Variants in KCTD18 observed in about 807,000 individuals in gnomAD.
KCTD18 encodes the protein BTB/POZ domain-containing protein KCTD18.
KCTD18 carries 22 observed loss-of-function variants against 30.4 expected under a neutral mutation model. The ratio of observed to expected loss-of-function variants is 0.72; its 90% CI spans 0.52 to 1.03. The LOEUF (loss-of-function observed/expected upper bound fraction) is 1.03, where lower values mean the gene tolerates loss of function less well. Ranked by LOEUF, KCTD18 falls within the 50% of genes least tolerant of loss-of-function variation. The probability of loss-of-function intolerance (pLI) is 0.00; values close to 1 mark genes in which losing one functional copy is unlikely to be tolerated. For missense variants in KCTD18, 529 were observed against 547.6 expected (o/e 0.97, Z 0.34); for synonymous variants, 186 against 209.0 (o/e 0.89, Z 0.95).
At chr2:200,502,166 T>C (rs956103464) in intron 3 of KCTD18, among the ~76,000 whole-genome samples, 6 of 151,980 alleles carry the variant, frequency 3.9e-5, no homozygotes, top group South Asian at 2.1e-4. Flanking sequence ...AGGGATAGCA[T>C]TGGGAGATAT....
chr2:200,494,768 T>C (rs1354998592), intron 5 of KCTD18, among the ~76,000 whole-genome samples: 3 of 152,198 alleles, frequency 2.0e-5, no homozygotes, highest in Non-Finnish European at 4.4e-5. Flanking sequence ...GACAAATGGA[T>C]ATAGTTATGT....
intron 1 of KCTD18, among the ~76,000 whole-genome samples, chr2:200,507,331 GT>G (rs1311273269): frequency 6.6e-6 from 1 of 152,176 alleles, no homozygotes; most frequent in African/African-American, 2.4e-5. Flanking sequence ...TGAAATGACT[GT>G]TTAAACATGG....
intron 3 of KCTD18, among the ~76,000 whole-genome samples, chr2:200,504,283 C>T (rs1249700588): frequency 1.3e-5 from 2 of 151,930 alleles, no homozygotes; most frequent in Non-Finnish European, 2.9e-5. Context: ...ACGGTGAAAC[C>T]CCCGTCTCTA....
chr2:200,500,778 C>A (rs950088567), intron 3 of KCTD18, among the ~76,000 whole-genome samples: 2 of 151,780 alleles, frequency 1.3e-5, no homozygotes, highest in African/African-American at 4.8e-5. Flanking sequence ...TTGGAAAAAA[C>A]TACTTTAAAG....
chr2:200,497,857 T>C lies in KCTD18; in HGVS notation c.567-10A>G. The C allele has an allele frequency of 6.4e-7, 1 of 1,566,536 alleles. No homozygotes were observed. The highest frequency in any genetic ancestry group is 8.8e-7 in the Non-Finnish European group (1 of 1,138,308). On this transcript the variant is annotated splice_polypyrimidine_tract_variant and intron_variant, in intron 4 of 6. Coordinates refer to ENST00000359878, the MANE Select transcript of KCTD18 (RefSeq NM_152387.4). ...ATTATTTCCCGCCTCTCTAGAAATA[T>C]TGCAAAGAGTAATGAAAATATACTA...
rs758879282 is a variant in KCTD18, at chr2:200,490,493, C to T, written c.888G>A (p.Thr296=). ...TCTGGATGGCACTGGCTGGAGACAC[C>T]GTGACTGAGGCCGAGTTCTTGACTT... The part of the protein sequence containing the change: ...QIKVKNSASV[T]VSPASAIQTS... The change falls in exon 7 of 7, where the codon ACG becomes ACA. Residue 296 remains threonine, a synonymous_variant. Coordinates refer to ENST00000359878, the MANE Select transcript of KCTD18 (RefSeq NM_152387.4). 4.3e-6 allele frequency: 7 copies of T among 1,611,310 alleles called. No homozygotes were observed. In the African/African-American group the frequency reaches 5.3e-5, roughly 12 times the overall value.
chr2:200,492,167 C>T (rs556647962), intron 6 of KCTD18, among the ~76,000 whole-genome samples: 2 of 152,206 alleles, frequency 1.3e-5, no homozygotes, highest in East Asian at 1.9e-4. Context: ...ACTGAGGTTT[C>T]TCAACCTCGG....
chr2:200,504,391 G>A (rs992824983), intron 3 of KCTD18, among the ~76,000 whole-genome samples: 3 of 151,254 alleles, frequency 2.0e-5, no homozygotes, highest in African/African-American at 4.9e-5. Context: ...GCCCAGAGGC[G>A]GAGCTTGCAG....
At chr2:200,497,884 C>T (rs2088020646) in intron 4 of KCTD18, 37 bp from the exon 5 acceptor site, 1 of 1,387,914 alleles carries the variant, frequency 7.2e-7, no homozygotes, top group Non-Finnish European at 1.0e-6. Context: ...AATATACTAC[C>T]TAGGTATGGA....
At chr2:200,498,429 A>G (rs929131753) in intron 4 of KCTD18, among the ~76,000 whole-genome samples, 1 of 152,220 alleles carries the variant, frequency 6.6e-6, no homozygotes, top group African/African-American at 2.4e-5. Flanking sequence ...TAACATGTTC[A>G]AGTCATAAAA....
At chr2:200,492,585 T>C (rs927282107) in intron 6 of KCTD18, among the ~76,000 whole-genome samples, 1 of 152,154 alleles carries the variant, frequency 6.6e-6, no homozygotes, top group Non-Finnish European at 1.5e-5. Flanking sequence ...AATTAAATTG[T>C]AGAACATGTG....
Position 200,490,535 on chromosome 2 carries a change from G to A in KCTD18, c.846C>T (p.Ser282=), listed in dbSNP as rs201678106. The A allele has an allele frequency of 5.0e-6, 8 of 1,603,806 alleles. No individual in the cohort carries two copies. In the Admixed American group the frequency reaches 5.0e-5, roughly 10 times the overall value. The stretch of plus-strand genomic sequence containing the variant: ...TCTTGACTTTAATTTGGGTACTTGT[G>A]GAAGGGCCCAAAAATCTAACTGGCT... ...GPKPVRFLGP[S]TSTQIKVKNS... The change falls in exon 7 of 7, where the codon TCC becomes TCT. Residue 282 remains serine, a synonymous_variant. Coordinates refer to ENST00000359878, the MANE Select transcript of KCTD18 (RefSeq NM_152387.4).
Position 200,506,809 on chromosome 2 carries a change from T to C in KCTD18, c.160+48A>G, listed in dbSNP as rs749896082. The C allele has an allele frequency of 8.4e-6, 13 of 1,553,724 alleles. No individual in the cohort carries two copies. The Admixed American group carries it at 2.0e-4, about 23-fold the overall frequency. Reference sequence around the variant, plus strand: ...TAAGAAAATCAAAGGGAACTTAAACTGGTGTTAATAAATATTCAGATCATG... The same window carrying C: ...TAAGAAAATCAAAGGGAACTTAAACCGGTGTTAATAAATATTCAGATCATG... On this transcript the variant is annotated intron_variant, in intron 2 of 6. Coordinates refer to ENST00000359878, the MANE Select transcript of KCTD18 (RefSeq NM_152387.4).
chr2:200,496,248 G>A (rs1338615062), intron 5 of KCTD18: 1 of 152,206 alleles, frequency 6.6e-6, no homozygotes, highest in African/African-American at 2.4e-5. Flanking sequence ...TGGGCTCCTG[G>A]ACATCTTGCC....
Position 200,504,884 on chromosome 2 carries a change from G to T in KCTD18, c.236C>A (p.Pro79His). ...LDYLHGEVQI[P>H]TDEQTRIALQ... The stretch of plus-strand genomic sequence containing the variant: ...GGCGATGCGGGTTTGCTCATCTGTG[G>T]GAATCTGAACTTCTCCATGAAGGTA... The change falls in exon 3 of 7, where the codon CCC becomes CAC. Residue 79 changes from proline (P) to histidine (H), a missense_variant. Coordinates refer to ENST00000359878, the MANE Select transcript of KCTD18 (RefSeq NM_152387.4). 1.2e-6 allele frequency: 2 copies of T among 1,614,100 alleles called. No homozygotes were observed. Among genetic ancestry groups the T allele is most frequent in the Non-Finnish European group, 1.7e-6 (2 of 1,179,996 alleles).
Position 200,504,662 on chromosome 2 carries a change from G to A in KCTD18, c.372+86C>T, listed in dbSNP as rs933023323. 9.6e-6 allele frequency: 9 copies of A among 942,188 alleles called. No individual in the cohort carries two copies. The African/African-American group carries it at 1.3e-4, about 14-fold the overall frequency. The allele number at this position is 942,188 out of a possible 1,614,324, so 58.4% of individuals were successfully genotyped here. A position where few individuals can be genotyped will look rare whatever the true frequency, so the allele number is the denominator to read the frequency against. The stretch of plus-strand genomic sequence containing the variant: ...ATAAAAACTATCTTGTTTGGTTAAT[G>A]TGAAAACACAGGCTATGCAAAATAG... On this transcript the variant is annotated intron_variant, in intron 3 of 6. Transcript: ENST00000359878.
intron 5 of KCTD18, among the ~76,000 whole-genome samples, chr2:200,494,080 A>C (rs1326988778): frequency 6.6e-6 from 1 of 152,248 alleles, no homozygotes; most frequent in Non-Finnish European, 1.5e-5. Context: ...TGAAGCCTCG[A>C]AAACATTATG....
chr2:200,502,152 G>A (rs2088096695), intron 3 of KCTD18, among the ~76,000 whole-genome samples: 1 of 152,034 alleles, frequency 6.6e-6, no homozygotes, highest in Non-Finnish European at 1.5e-5. Flanking sequence ...TGGGGGTAGG[G>A]GGGAGGGATA....
At position 200,506,902 on chromosome 2, in the gene KCTD18, C is replaced by A. The variant is rs763515598; in HGVS notation, c.115G>T (p.Ala39Ser). ...SLCRFKDSML[A>S]SMFSGRFPLK... is the part of the protein sequence containing the mutation. ...GGAAAGCGACCACTGAACATAGATG[C>A]CAACATGGAGTCCTTGAAGCGGCAC... Residue 39 changes from alanine (A) to serine (S), a missense_variant, in exon 2 of 7, where the codon GCA (alanine) becomes TCA (serine). Coordinates refer to ENST00000359878, the MANE Select transcript of KCTD18 (RefSeq NM_152387.4). 1.2e-6 allele frequency: 2 copies of A among 1,613,970 alleles called. No individual in the cohort carries two copies. Among genetic ancestry groups the A allele is most frequent in the East Asian group, 4.5e-5 (2 of 44,882 alleles).
Sources: gnomAD v4.1 joint callset for allele counts (sites outside exome capture counted in the v4.1 genomes callset) on GRCh38, gnomAD v4.1.1 for gene constraint, MANE v1.5 for transcripts, NCBI Gene and HGNC (gene_info 2026-07-23, HGNC 2026-07-21) for gene names.